Variants in KCNIP4 observed in about 807,000 individuals in gnomAD.
KCNIP4 encodes Kv channel-interacting protein 4.
In KCNIP4, 12 loss-of-function variants were observed where a neutral mutation model predicts 34.0. That is an observed-to-expected ratio of 0.35 (90% CI 0.23 to 0.57). KCNIP4 has a LOEUF of 0.57. KCNIP4 is among the 20% of genes least tolerant of loss of function. KCNIP4 has a pLI of 0.83. For synonymous variants in KCNIP4, 124 were observed against 102.2 expected (o/e 1.21, Z -1.29); for missense variants, 238 against 311.7 (o/e 0.76, Z 1.78).
At chr4:20,884,420 C>T (rs989900424) in intron 1 of KCNIP4, among the ~76,000 whole-genome samples, 21 of 151,858 alleles carry the variant, frequency 1.4e-4, no homozygotes, top group African/African-American at 4.6e-4. Flanking sequence ...CCTGACAGAC[C>T]CCCGTGTGTG....
intron 1 of KCNIP4, among the ~76,000 whole-genome samples, chr4:21,403,783 AG>A (rs1016279933): frequency 2.0e-5 from 3 of 152,288 alleles, no homozygotes; most frequent in African/African-American, 7.2e-5. Context: ...TCCTTCCAAG[AG>A]GGTGCCCTGT....
intron 1 of KCNIP4, among the ~76,000 whole-genome samples, chr4:21,918,411 C>T (rs1004475316): frequency 2.6e-5 from 4 of 152,058 alleles, no homozygotes; most frequent in Non-Finnish European, 5.9e-5. Context: ...CCATGCACAT[C>T]GTATTAGAAA....
chr4:21,391,917 C>T (rs937507792), intron 1 of KCNIP4, among the ~76,000 whole-genome samples: 2 of 152,158 alleles, frequency 1.3e-5, no homozygotes, highest in African/African-American at 4.8e-5. Context: ...GTCCCTGACA[C>T]TAGGAAGCTG....
At chr4:21,051,926 G>A (rs73101738) in intron 1 of KCNIP4, among the ~76,000 whole-genome samples, 19,914 of 152,158 alleles carry the variant, frequency 0.13, 1,578 homozygotes, top group African/African-American at 0.22. Context: ...AAGGAAAATT[G>A]ACTCTGGCAC....
At chr4:21,786,235 CCATG>C (rs1719904155) in intron 1 of KCNIP4, among the ~76,000 whole-genome samples, 1 of 152,222 alleles carries the variant, frequency 6.6e-6, no homozygotes, top group Admixed American at 6.5e-5. Flanking sequence ...GCCTGAGCCA[CCATG>C]CCCGGCCTCG....
intron 5 of KCNIP4, among the ~76,000 whole-genome samples, chr4:20,744,128 G>T (rs1348934765): frequency 6.6e-6 from 1 of 152,008 alleles, no homozygotes; most frequent in Non-Finnish European, 1.5e-5. Flanking sequence ...TGCTGGAGAG[G>T]ATGTGGAGAA....
At position 21,238,818 on chromosome 4, in the gene KCNIP4, A is replaced by G. The variant is rs542920525; in HGVS notation, c.62-356109T>C. Among the ~76,000 whole-genome samples the G allele has an allele frequency of 4.4e-3, 670 of 152,194 alleles. 4 individuals are homozygous for G. Among genetic ancestry groups the G allele is most frequent in the African/African-American group, 0.013 (550 of 41,502 alleles). The stretch of plus-strand genomic sequence containing the variant: ...GCTATACTGCCCAAGGTAATTTATA[A>G]ATTCAATGCCATCCCCATCAAGCTA... On this transcript the variant is annotated intron_variant, in intron 1 of 8. Transcript: ENST00000382152.
intron 1 of KCNIP4, among the ~76,000 whole-genome samples, chr4:21,870,637 C>T (rs1725732148): frequency 6.6e-6 from 1 of 152,212 alleles, no homozygotes; most frequent in Non-Finnish European, 1.5e-5. Context: ...TCCCTTTGAG[C>T]AGCTTGCTTC....
At chr4:21,234,343 A>C (rs1287455090) in intron 1 of KCNIP4, among the ~76,000 whole-genome samples, 1 of 98,126 alleles carries the variant, frequency 1.0e-5, no homozygotes, top group African/African-American at 3.7e-5. Context: ...TATATATAAC[A>C]TACATTATAT....
At chr4:20,999,426 TGTTTG>T (rs1258881262) in intron 1 of KCNIP4, among the ~76,000 whole-genome samples, 1,441 of 48,660 alleles carry the variant, frequency 0.03, 83 homozygotes, top group African/African-American at 0.099. Flanking sequence ...TTTTTTTTTT[TGTTTG>T]TTTTTTGTTT....
intron 1 of KCNIP4, among the ~76,000 whole-genome samples, chr4:21,757,111 G>C (rs1217524783): frequency 4.0e-4 from 2 of 5,030 alleles, no homozygotes; most frequent in Non-Finnish European, 3.5e-4. Flanking sequence ...AAGAAAGAAA[G>C]AAAGAAAGAA....
At chr4:21,173,478 T>C (rs1754167611) in intron 1 of KCNIP4, among the ~76,000 whole-genome samples, 1 of 152,096 alleles carries the variant, frequency 6.6e-6, no homozygotes, top group Admixed American at 6.6e-5. Context: ...GGAGGAAGGC[T>C]CCCTTCCGGG....
At chr4:21,387,700 T>G (rs1722159614) in intron 1 of KCNIP4, among the ~76,000 whole-genome samples, 1 of 152,108 alleles carries the variant, frequency 6.6e-6, no homozygotes, top group South Asian at 2.1e-4. Flanking sequence ...ACAGTGGAGT[T>G]TCAGTGTTAA....
chr4:21,355,696 G>A (rs1214012975), intron 1 of KCNIP4, among the ~76,000 whole-genome samples: 5 of 152,070 alleles, frequency 3.3e-5, no homozygotes, highest in African/African-American at 1.2e-4. Context: ...AGGACCAGAT[G>A]GATTCACAGC....
intron 1 of KCNIP4, among the ~76,000 whole-genome samples, chr4:21,434,884 T>G (rs1295092362): frequency 6.6e-6 from 1 of 152,128 alleles, no homozygotes; most frequent in Non-Finnish European, 1.5e-5. Flanking sequence ...TGGCTGGGTG[T>G]TCTAGATAAG....
chr4:21,714,255 T>G (rs1355424584), intron 1 of KCNIP4, among the ~76,000 whole-genome samples: 1 of 152,168 alleles, frequency 6.6e-6, no homozygotes, highest in Non-Finnish European at 1.5e-5. Flanking sequence ...TTCTCCCTCA[T>G]AGCAGCTAGG....
chr4:21,548,082 T>C (rs1389317324), intron 1 of KCNIP4, among the ~76,000 whole-genome samples: 1 of 152,122 alleles, frequency 6.6e-6, no homozygotes, highest in Non-Finnish European at 1.5e-5. Context: ...CAGTAAAATA[T>C]ATGGCATATT....
Position 21,844,764 on chromosome 4 carries a change from T to C in KCNIP4, c.61+103807A>G, listed in dbSNP as rs531951357. ...ATATTTCAACAGGACACAGTGTTCA[T>C]GAAGTCATTCTATTATTAAATACAT... On this transcript the variant is annotated intron_variant, in intron 1 of 8. Coordinates refer to ENST00000382152, the MANE Select transcript of KCNIP4 (RefSeq NM_025221.6). 5.9e-5 allele frequency: 9 copies of C among 152,174 alleles called. No homozygotes were observed. In the South Asian group the frequency reaches 1.9e-3, roughly 32 times the overall value. The allele number at this position is 152,174 out of a possible 1,614,324, so 9.4% of individuals were successfully genotyped here.
At chr4:20,803,858 A>G (rs569467925) in intron 3 of KCNIP4, among the ~76,000 whole-genome samples, 5 of 152,300 alleles carry the variant, frequency 3.3e-5, no homozygotes, top group South Asian at 4.1e-4. Context: ...CATTTGATTT[A>G]TGAGAAAAAG....
Sources: gnomAD v4.1 joint callset for allele counts (sites outside exome capture counted in the v4.1 genomes callset) on GRCh38, gnomAD v4.1.1 for gene constraint, MANE v1.5 for transcripts, NCBI Gene and HGNC (gene_info 2026-07-23, HGNC 2026-07-21) for gene names.